SFRP1: variants seen among roughly 807,000 people sequenced by gnomAD.
SFRP1 encodes secreted frizzled-related protein 1.
A neutral mutation model predicts 25.9 loss-of-function variants in SFRP1; 9 were observed. The observed-to-expected ratio is 0.35, with a 90% CI of 0.21 to 0.61. The LOEUF (loss-of-function observed/expected upper bound fraction) is 0.61, where lower values mean the gene tolerates loss of function less well. Ranked by LOEUF, SFRP1 falls within the 20% of genes least tolerant of loss-of-function variation. The pLI is 0.78. For missense variants in SFRP1, 346 were observed against 418.2 expected (o/e 0.83, Z 1.51); for synonymous variants, 178 against 174.0 (o/e 1.02, Z -0.18).
chr8:41,272,979 T>G (rs1046414940), intron 2 of SFRP1, among the ~76,000 whole-genome samples: 4 of 152,338 alleles, frequency 2.6e-5, no homozygotes, highest in Non-Finnish European at 4.4e-5. Flanking sequence ...TTGCACTGGA[T>G]TTATCAATAC....
At chr8:41,276,738 A>G (rs959817583) in intron 2 of SFRP1, among the ~76,000 whole-genome samples, 4 of 152,240 alleles carry the variant, frequency 2.6e-5, no homozygotes, top group African/African-American at 7.2e-5. Context: ...AAAACAAAAA[A>G]CAGCAGATGT....
rs150948477 is a variant in SFRP1, at chr8:41,264,727, G to A, written c.*440C>T. 7.2e-4 allele frequency: 117 copies of A among 163,392 alleles called. 1 individual carries two copies. Among genetic ancestry groups the A allele is most frequent in the African/African-American group, 2.7e-3 (111 of 41,798 alleles). 10.1% of individuals were successfully genotyped at this position (163,392 alleles called of 1,614,324 possible). ...AAACTACTCTGGACCTGAAAACAAC[G>A]TGACTTGCCAATCATTAGAATTTTC... On this transcript the variant is annotated 3_prime_UTR_variant, in exon 3 of 3. Transcript: ENST00000220772.
chr8:41,308,680 G>T lies in SFRP1; in HGVS notation c.480C>A (p.Phe160Leu). 6.2e-7 allele frequency: 1 copy of T among 1,611,196 alleles called. No homozygotes were observed. The highest frequency in any genetic ancestry group is 8.5e-7 in the Non-Finnish European group (1 of 1,178,548). ...YWPEMLKCDK[F>L]PEGDVCIAMT... ...TGGCGATGCAGACGTCCCCCTCGGG[G>T]AACTTGTCACACTTAAGCATCTCGG... The change falls in exon 1 of 3, where the codon TTC becomes TTA. Residue 160 changes from phenylalanine to leucine, a missense_variant. By Grantham distance (22) the Phe-to-Leu change is conservative. Transcript: ENST00000220772.
chr8:41,268,236 A>G (rs576808242), intron 2 of SFRP1, among the ~76,000 whole-genome samples: 2 of 152,262 alleles, frequency 1.3e-5, no homozygotes, highest in Non-Finnish European at 2.9e-5. Flanking sequence ...GAAGGCATCA[A>G]TAGTACTTTA....
intron 2 of SFRP1, among the ~76,000 whole-genome samples, chr8:41,288,120 G>A (rs1462338642): frequency 1.3e-5 from 2 of 152,054 alleles, no homozygotes; most frequent in East Asian, 1.9e-4. Context: ...CACTTTGGGA[G>A]GCCAAGGCAG....
chr8:41,303,052 T>C (rs1256153787), intron 2 of SFRP1, among the ~76,000 whole-genome samples: 1 of 101,214 alleles, frequency 9.9e-6, no homozygotes, highest in Non-Finnish European at 2.0e-5. Flanking sequence ...GGGTAGATGT[T>C]AAAAAAAAAA....
At chr8:41,276,677 ATTTC>A (rs1326332997) in intron 2 of SFRP1, among the ~76,000 whole-genome samples, 2 of 152,242 alleles carry the variant, frequency 1.3e-5, no homozygotes, top group East Asian at 1.9e-4. Flanking sequence ...TCCAAAGCAG[ATTTC>A]TTTTTCTCTC....
chr8:41,264,955 G>A lies in SFRP1; in HGVS notation c.*212C>T. The A allele has an allele frequency of 1.8e-6, 1 of 544,520 alleles. No individual in the cohort carries two copies. The highest frequency in any genetic ancestry group is 3.2e-6 in the Non-Finnish European group (1 of 308,530). 33.7% of individuals were successfully genotyped at this position (544,520 alleles called of 1,614,324 possible). A position where few individuals can be genotyped will look rare whatever the true frequency, so the allele number is the denominator to read the frequency against. ...CTTAAAAACCTTCCTAATCTAAATG[G>A]CCCTTGCTTTACCCGGCCATGGCTA... On this transcript the variant is annotated 3_prime_UTR_variant, in exon 3 of 3. Coordinates refer to ENST00000220772, the MANE Select transcript of SFRP1 (RefSeq NM_003012.5).
In SFRP1 at chr8:41,294,280, A is replaced by G. The variant is rs187953329; in HGVS notation, c.622+9181T>C. Among the ~76,000 whole-genome samples, 25 of 152,238 alleles carry G rather than the reference A, an allele frequency of 1.6e-4. No homozygotes were observed. The East Asian group carries it at 2.9e-3, about 18-fold the overall frequency. On this transcript the variant is annotated intron_variant, in intron 2 of 2. Transcript: ENST00000220772. The stretch of plus-strand genomic sequence containing the variant: ...TGGTGCCACCGACATATAGTTGGGG[A>G]TTTCCTTCAGCCATAAGCCATTCCC...
At chr8:41,282,732 A>G (rs1298511617) in intron 2 of SFRP1, among the ~76,000 whole-genome samples, 5 of 152,146 alleles carry the variant, frequency 3.3e-5, no homozygotes. Flanking sequence ...TTTTGAAACT[A>G]CATATTCAAA....
chr8:41,294,997 C>T (rs1304114857), intron 2 of SFRP1, among the ~76,000 whole-genome samples: 1 of 152,202 alleles, frequency 6.6e-6, no homozygotes, highest in Admixed American at 6.5e-5. Context: ...GAAACTCCAG[C>T]ATCTGGAGCT....
intron 2 of SFRP1, among the ~76,000 whole-genome samples, chr8:41,295,700 C>T (rs1335168474): frequency 1.3e-5 from 2 of 152,152 alleles, no homozygotes; most frequent in East Asian, 3.9e-4. Flanking sequence ...TCTCTCACAG[C>T]CACCCACTAG....
intron 2 of SFRP1, among the ~76,000 whole-genome samples, chr8:41,281,183 G>A (rs901464774): frequency 6.6e-6 from 1 of 152,134 alleles, no homozygotes; most frequent in African/African-American, 2.4e-5. Flanking sequence ...GTGCAGGGAG[G>A]GAGTGGGAGT....
intron 2 of SFRP1, among the ~76,000 whole-genome samples, chr8:41,284,704 G>A (rs950129058): frequency 1.3e-5 from 2 of 152,224 alleles, no homozygotes; most frequent in East Asian, 1.9e-4. Context: ...GGAAGGTGGC[G>A]TAGGGGGAGG....
At chr8:41,274,192 C>T (rs545957917) in intron 2 of SFRP1, among the ~76,000 whole-genome samples, 1 of 152,286 alleles carries the variant, frequency 6.6e-6, no homozygotes, top group South Asian at 2.1e-4. Context: ...TAATTAACTC[C>T]CTCTCCCATC....
intron 2 of SFRP1, among the ~76,000 whole-genome samples, chr8:41,297,837 G>A (rs1803863648): frequency 6.6e-6 from 1 of 151,854 alleles, no homozygotes; most frequent in Non-Finnish European, 1.5e-5. Flanking sequence ...GCTGGGCACA[G>A]ACATCAGTCC....
Position 41,309,087 on chromosome 8 carries a change from G to A in SFRP1, c.73C>T (p.Leu25Phe). The A allele has an allele frequency of 6.3e-7, 1 of 1,588,360 alleles. No homozygotes were observed. Among genetic ancestry groups the A allele is most frequent in the Non-Finnish European group, 8.5e-7 (1 of 1,174,660 alleles). ...TCGCTGGCCGAGCCCACGGCCAGAA[G>A]CGCCGCGCCCAGCGCCAGCAGCACG... ...LGVLLALGAA[L>F]LAVGSASEYD... Residue 25 changes from leucine to phenylalanine, a missense_variant, in exon 1 of 3, where the codon CTT (leucine) becomes TTT (phenylalanine). Transcript: ENST00000220772.
chr8:41,268,962 C>A (rs1803469727), intron 2 of SFRP1, among the ~76,000 whole-genome samples: 1 of 152,248 alleles, frequency 6.6e-6, no homozygotes, highest in African/African-American at 2.4e-5. Context: ...CAGCTGGATA[C>A]AGTCCCAGGT....
chr8:41,280,801 C>A (rs578042144), intron 2 of SFRP1, among the ~76,000 whole-genome samples: 3 of 152,324 alleles, frequency 2.0e-5, no homozygotes, highest in African/African-American at 7.2e-5. Flanking sequence ...TGGGCAAAGA[C>A]TCAGGGCACA....
Sources: gnomAD v4.1 joint callset for allele counts (sites outside exome capture counted in the v4.1 genomes callset) on GRCh38, gnomAD v4.1.1 for gene constraint, MANE v1.5 for transcripts, NCBI Gene and HGNC (gene_info 2026-07-23, HGNC 2026-07-21) for gene names.